Variants in TTC6 observed in about 807,000 individuals in gnomAD.
TTC6 encodes tetratricopeptide repeat protein 6.
TTC6 carries 172 observed loss-of-function variants against 210.4 expected under a neutral mutation model. That is an observed-to-expected ratio of 0.82 (90% CI 0.72 to 0.93). The LOEUF is 0.93. Among genes scored for constraint, TTC6 ranks in the 40% least tolerant of loss-of-function variants. The pLI, the probability that TTC6 is intolerant of heterozygous loss-of-function variation, is 0.00. For synonymous variants in TTC6, 804 were observed against 819.6 expected, an observed-to-expected ratio of 0.98 and a Z score of 0.32; for missense variants, 2,414 against 2,318.1, an observed-to-expected ratio of 1.04 and a Z score of -0.85.
chr14:37,677,815 G>A (rs1459643747), intron 1 of TTC6, among the ~76,000 whole-genome samples: 2 of 151,854 alleles, frequency 1.3e-5, no homozygotes. Flanking sequence ...TTTCTCTTCT[G>A]TTAATGCCAC....
At chr14:37,749,769 A>G (rs1478006082) in exon 12 of TTC6, 2 of 1,464,470 alleles carry the variant, frequency 1.4e-6, no homozygotes, top group East Asian at 2.6e-5. Flanking sequence ...CATTTAATTT[A>G]TCTTTTCCAA....
intron 4 of TTC6, among the ~76,000 whole-genome samples, chr14:37,697,580 T>C (rs1357719645): frequency 6.6e-6 from 1 of 152,140 alleles, no homozygotes; most frequent in Admixed American, 6.6e-5. Flanking sequence ...AGACAGCCTT[T>C]TTATGGCCAG....
chr14:37,833,664 ATTTG>A (rs1045825890), intron 29 of TTC6, among the ~76,000 whole-genome samples: 2 of 151,900 alleles, frequency 1.3e-5, no homozygotes, highest in African/African-American at 4.8e-5. Flanking sequence ...TGTTTTCTAT[ATTTG>A]TTCCTTTTTT....
chr14:37,818,641 T>C (rs2096148054), intron 26 of TTC6, among the ~76,000 whole-genome samples: 1 of 152,130 alleles, frequency 6.6e-6, no homozygotes, highest in African/African-American at 2.4e-5. Context: ...CATTCTCCTA[T>C]GAAAGTTTTT....
At chr14:37,725,296 GTA>G (rs1348483475) in intron 7 of TTC6, among the ~76,000 whole-genome samples, 1,378 of 54,522 alleles carry the variant, frequency 0.025, 62 homozygotes, top group African/African-American at 0.074. Flanking sequence ...ATATATGTAT[GTA>G]TGTGTGTGTG....
intron 9 of TTC6, among the ~76,000 whole-genome samples, chr14:37,738,351 A>G (rs1196046786): frequency 6.6e-6 from 1 of 151,954 alleles, no homozygotes; most frequent in Non-Finnish European, 1.5e-5. Context: ...GTGTTGTTAA[A>G]GCGCTTTTGA....
At chr14:37,780,413 C>A (rs1283559550) in intron 14 of TTC6, among the ~76,000 whole-genome samples, 2 of 152,132 alleles carry the variant, frequency 1.3e-5, no homozygotes, top group Non-Finnish European at 2.9e-5. Context: ...CACCCCTCTT[C>A]TGACAGGCCC....
chr14:37,788,758 G>A (rs2139317069), intron 15 of TTC6, among the ~76,000 whole-genome samples: 2 of 152,184 alleles, frequency 1.3e-5, no homozygotes, highest in African/African-American at 2.4e-5. Flanking sequence ...AACCTGTTAT[G>A]TCTACTAATC....
intron 17 of TTC6, among the ~76,000 whole-genome samples, chr14:37,794,990 C>T (rs1007736343): frequency 6.6e-6 from 1 of 151,964 alleles, no homozygotes; most frequent in African/African-American, 2.4e-5. Flanking sequence ...GTACACAATC[C>T]AGAATGTATT....
In TTC6 at chr14:37,598,922, C is replaced by T. The variant is rs559383226; in HGVS notation, c.-235+2914C>T. Among the ~76,000 whole-genome samples, 12 of 151,660 alleles carry T rather than the reference C, an allele frequency of 7.9e-5. No homozygotes were observed. In the South Asian group the frequency reaches 2.5e-3, roughly 32 times the overall value. ...TTGGTGTGGAGTGGTTCGAGTTCCT[C>T]CGCGGGCCCCCACCCCCCACCCAGA... On this transcript the variant is annotated intron_variant, in intron 1 of 2. Transcript: ENST00000556845. This position sits in a 1 kb window ranked among gnomAD's most constrained non-coding sequence, Gnocchi z 4.9.
chr14:37,767,360 C>T (rs1281674549), intron 14 of TTC6, among the ~76,000 whole-genome samples: 1 of 152,144 alleles, frequency 6.6e-6, no homozygotes, highest in Non-Finnish European at 1.5e-5. Context: ...TTCTAGATCC[C>T]TGAGGAATCG....
intron 5 of TTC6, among the ~76,000 whole-genome samples, chr14:37,702,957 T>C (rs1443840601): frequency 6.6e-6 from 1 of 152,184 alleles, no homozygotes; most frequent in Non-Finnish European, 1.5e-5. Context: ...CTGAAGTCTT[T>C]TAGTTTTGCT....
chr14:37,742,175 C>T (rs2095922063), intron 10 of TTC6, among the ~76,000 whole-genome samples: 2 of 152,190 alleles, frequency 1.3e-5, no homozygotes, highest in Admixed American at 1.3e-4. Context: ...AATGGCGTTC[C>T]TATCCCTCTG....
chr14:37,826,769 A>G (rs1179727541), intron 28 of TTC6, among the ~76,000 whole-genome samples: 1 of 152,090 alleles, frequency 6.6e-6, no homozygotes, highest in Non-Finnish European at 1.5e-5. Context: ...CTTTACTTCT[A>G]GCTTTTGGGT....
chr14:37,742,711 T>C (rs1957576), intron 10 of TTC6, among the ~76,000 whole-genome samples: 152,045 of 152,266 alleles, frequency 1, 75,913 homozygotes, highest in Non-Finnish European at 1. Context: ...AACCACTGCG[T>C]CTGGCCATCA....
At chr14:37,725,308 G>GTATATA (rs1422249080) in intron 7 of TTC6, among the ~76,000 whole-genome samples, 9 of 73,374 alleles carry the variant, frequency 1.2e-4, no homozygotes, top group African/African-American at 1.6e-4. Flanking sequence ...ATGTGTGTGT[G>GTATATA]TGTGTATATA....
intron 14 of TTC6, among the ~76,000 whole-genome samples, chr14:37,778,978 C>A (rs1308296984): frequency 6.6e-6 from 1 of 152,182 alleles, no homozygotes; most frequent in South Asian, 2.1e-4. Flanking sequence ...TGCAGACTTT[C>A]CTGCTCCAAA....
chr14:37,676,703 CATTCAGGT>C (rs1448130919), intron 1 of TTC6, among the ~76,000 whole-genome samples: 2 of 152,064 alleles, frequency 1.3e-5, no homozygotes, highest in Admixed American at 1.3e-4. Flanking sequence ...ATAGGTCTTA[CATTCAGGT>C]ATTTGACCCA....
intron 3 of TTC6, among the ~76,000 whole-genome samples, chr14:37,693,636 A>C (rs1288465742): frequency 6.6e-6 from 1 of 152,126 alleles, no homozygotes; most frequent in Admixed American, 6.6e-5. Flanking sequence ...ACAAACCCCA[A>C]ACAAATAAAA....
Sources: allele counts gnomAD v4.1 joint callset (sites outside exome capture counted in the v4.1 genomes callset), GRCh38; gene constraint gnomAD v4.1.1; non-coding constraint Gnocchi (gnomAD v3.1); transcripts MANE v1.5; gene names NCBI Gene and HGNC (gene_info 2026-07-23, HGNC 2026-07-21).